The following VAV3 variants were observed in gnomAD, a reference collection of about 807,000 sequenced individuals.
VAV3 encodes guanine nucleotide exchange factor VAV3.
Under a neutral mutation model 131.2 loss-of-function variants are expected in VAV3, and 94 were observed. The ratio of observed to expected loss-of-function variants is 0.72; its 90% CI spans 0.61 to 0.85. The LOEUF is 0.85. VAV3 is among the 40% of genes least tolerant of loss of function. VAV3 has a pLI of 0.00. For missense variants in VAV3, 939 were observed against 1,002.7 expected, an observed-to-expected ratio of 0.94 and a Z score of 0.86; for synonymous variants, 349 against 342.0, an observed-to-expected ratio of 1.02 and a Z score of -0.22.
At chr1:107,852,677 TATTAA>T (rs1321788950) in intron 2 of VAV3, among the ~76,000 whole-genome samples, 5 of 152,184 alleles carry the variant, frequency 3.3e-5, no homozygotes, top group Non-Finnish European at 7.4e-5. Flanking sequence ...TATTCCAAAT[TATTAA>T]ATTAACATTA....
chr1:107,927,595 C>T (rs1170064793), intron 1 of VAV3, among the ~76,000 whole-genome samples: 4 of 152,066 alleles, frequency 2.6e-5, no homozygotes, highest in Non-Finnish European at 4.4e-5. Flanking sequence ...TAATGACAAG[C>T]TGTCTGAAGA....
chr1:107,584,344 A>G (rs920749405), intron 25 of VAV3, among the ~76,000 whole-genome samples: 3 of 152,220 alleles, frequency 2.0e-5, no homozygotes, highest in African/African-American at 7.2e-5. Flanking sequence ...GGACATAGGC[A>G]TGGGCAAGGA....
At chr1:107,742,793 G>C (rs1663102181) in intron 15 of VAV3, among the ~76,000 whole-genome samples, 1 of 152,148 alleles carries the variant, frequency 6.6e-6, no homozygotes, top group East Asian at 1.9e-4. Context: ...ACAGGCAGAG[G>C]GATTGTTGGA....
intron 1 of VAV3, among the ~76,000 whole-genome samples, chr1:107,885,007 T>C (rs1670966576): frequency 6.6e-6 from 1 of 152,112 alleles, no homozygotes; most frequent in Non-Finnish European, 1.5e-5. Flanking sequence ...ATAATTGGAA[T>C]AGCAGTGGTG....
At chr1:107,837,244 T>G (rs1283004149) in intron 2 of VAV3, among the ~76,000 whole-genome samples, 2 of 152,190 alleles carry the variant, frequency 1.3e-5, no homozygotes, top group Non-Finnish European at 2.9e-5. Context: ...GCCTTATTCC[T>G]GGGATGCAAT....
At chr1:107,681,824 T>C (rs971380304) in intron 19 of VAV3, among the ~76,000 whole-genome samples, 2 of 152,042 alleles carry the variant, frequency 1.3e-5, no homozygotes, top group Non-Finnish European at 2.9e-5. Flanking sequence ...CAGCTATTTT[T>C]TTTTTGCTTG....
rs79583906 is a variant in VAV3 at position 107,615,523 on chromosome 1, C to A, written c.1980+2044G>T. ...GAAGGATAACCTAGGAAATACCATT[C>A]TTGACATAGGACCCAGCAAAGATTT... is the stretch of plus-strand genomic sequence containing the variant. On this transcript the variant is annotated intron_variant, in intron 21 of 26. Transcript: ENST00000370056. Among the ~76,000 whole-genome samples the A allele has an allele frequency of 2.2e-4, 33 of 152,168 alleles. No individual in the cohort carries two copies. The East Asian group carries it at 6.0e-3, about 28-fold the overall frequency.
chr1:107,948,881 A>G (rs1165329539), intron 1 of VAV3, among the ~76,000 whole-genome samples: 1 of 152,100 alleles, frequency 6.6e-6, no homozygotes, highest in Non-Finnish European at 1.5e-5. Flanking sequence ...AATAAACTGA[A>G]TTGCCACAAT....
intron 2 of VAV3, among the ~76,000 whole-genome samples, chr1:107,840,598 C>T (rs1221507598): frequency 6.6e-6 from 1 of 152,036 alleles, no homozygotes; most frequent in Admixed American, 6.6e-5. Flanking sequence ...ATGATCAATC[C>T]ATCAGGAAGT....
intron 1 of VAV3, among the ~76,000 whole-genome samples, chr1:107,921,006 T>C (rs1672872407): frequency 1.3e-5 from 2 of 152,244 alleles, no homozygotes; most frequent in South Asian, 4.1e-4. Context: ...GATACTATCA[T>C]AAAGCTTTTT....
At chr1:107,948,703 C>A (rs345279) in intron 1 of VAV3, among the ~76,000 whole-genome samples, 144,517 of 152,152 alleles carry the variant, frequency 0.95, 69,042 homozygotes, top group East Asian at 1. Context: ...ATTAGCTAGG[C>A]GTGGTGGTAT....
intron 2 of VAV3, among the ~76,000 whole-genome samples, chr1:107,830,909 C>A (rs1291782051): frequency 6.6e-6 from 1 of 152,184 alleles, no homozygotes; most frequent in African/African-American, 2.4e-5. Flanking sequence ...CGTGTTATAT[C>A]TGTATTAGTT....
chr1:107,661,901 C>A (rs1657048878), intron 19 of VAV3, among the ~76,000 whole-genome samples: 1 of 152,080 alleles, frequency 6.6e-6, no homozygotes, highest in African/African-American at 2.4e-5. Flanking sequence ...AATTTCCCTA[C>A]CTACCACGGA....
chr1:107,899,291 AT>A (rs1208943892), intron 1 of VAV3, among the ~76,000 whole-genome samples: 1 of 152,206 alleles, frequency 6.6e-6, no homozygotes, highest in African/African-American at 2.4e-5. Flanking sequence ...TAATAAAAAA[AT>A]GTCTGGGCTG....
chr1:107,595,665 T>A lies in VAV3; in HGVS notation c.2350+547A>T, dbSNP rs561146058. ...CAACCATAACATGCTTTTGTTTGCA[T>A]GCTAATCTTTTGTGATTAGTTGTAG... On this transcript the variant is annotated intron_variant, in intron 25 of 26. Transcript: ENST00000370056. Among the ~76,000 whole-genome samples, 35 of 152,288 alleles carry A rather than the reference T, an allele frequency of 2.3e-4. No individual in the cohort carries two copies. In the South Asian group the frequency reaches 6.6e-3, roughly 29 times the overall value.
chr1:107,841,313 T>C (rs1668697251), intron 2 of VAV3, among the ~76,000 whole-genome samples: 1 of 151,944 alleles, frequency 6.6e-6, no homozygotes, highest in Admixed American at 6.6e-5. Context: ...AAAGAAACAA[T>C]TTTAAAAGTA....
chr1:107,584,771 T>C (rs375099956), intron 25 of VAV3, among the ~76,000 whole-genome samples: 1 of 152,186 alleles, frequency 6.6e-6, no homozygotes, highest in Admixed American at 6.5e-5. Context: ...AGTATAAACA[T>C]ATAAAGCCAT....
At chr1:107,616,318 T>C (rs1298929441) in intron 21 of VAV3, among the ~76,000 whole-genome samples, 2 of 151,836 alleles carry the variant, frequency 1.3e-5, no homozygotes, top group Non-Finnish European at 1.5e-5. Context: ...GCCATTATCA[T>C]GAGTGAACTA....
intron 19 of VAV3, among the ~76,000 whole-genome samples, chr1:107,671,486 A>T (rs796081993): frequency 2.0e-5 from 3 of 152,328 alleles, no homozygotes; most frequent in African/African-American, 7.2e-5. Context: ...TGAAATGAGA[A>T]CATATCTACT....
Sources: allele counts gnomAD v4.1 joint callset (sites outside exome capture counted in the v4.1 genomes callset), GRCh38; gene constraint gnomAD v4.1.1; transcripts MANE v1.5; gene names NCBI Gene and HGNC (gene_info 2026-07-23, HGNC 2026-07-21).